Variants in IFNLR1 observed in about 807,000 individuals in gnomAD.
The protein encoded by IFNLR1 is interferon lambda receptor 1.
In IFNLR1, 28 loss-of-function variants were observed where a neutral mutation model predicts 52.5. The ratio of observed to expected loss-of-function variants is 0.53; its 90% CI spans 0.40 to 0.73. IFNLR1 has a LOEUF of 0.73. Among genes scored for constraint, IFNLR1 ranks in the 30% least tolerant of loss-of-function variants. IFNLR1 has a pLI of 0.00. For synonymous variants in IFNLR1, 276 were observed against 274.9 expected, an observed-to-expected ratio of 1.00 and a Z score of -0.04; for missense variants, 623 against 659.1, an observed-to-expected ratio of 0.95 and a Z score of 0.60.
chr1:24,169,156 T>A (rs1231957952), intron 3 of IFNLR1, among the ~76,000 whole-genome samples: 2 of 152,200 alleles, frequency 1.3e-5, no homozygotes, highest in East Asian at 3.9e-4. Context: ...CAACTGAAAA[T>A]AATGAACATT....
chr1:24,161,080 C>T (rs1164696489), intron 4 of IFNLR1, among the ~76,000 whole-genome samples: 6 of 152,148 alleles, frequency 3.9e-5, no homozygotes, highest in East Asian at 1.9e-4. Context: ...GTATAGGCTA[C>T]GGCTCCTTTT....
intron 3 of IFNLR1, among the ~76,000 whole-genome samples, chr1:24,166,330 C>A (rs1038603471): frequency 6.6e-6 from 1 of 152,048 alleles, no homozygotes; most frequent in African/African-American, 2.4e-5. Flanking sequence ...AGCCAGTGAG[C>A]CTTCTAACCT....
intron 3 of IFNLR1, among the ~76,000 whole-genome samples, chr1:24,166,203 A>ATCCATCCATCCATCCATCCT (rs1553162460): frequency 1.7e-5 from 1 of 59,648 alleles, no homozygotes; most frequent in African/African-American, 5.9e-5. Flanking sequence ...CCATCCATCC[A>ATCCATCCATCCATCCATCCT]TCCTTCCTTC....
At chr1:24,159,738 T>TTG in intron 4 of IFNLR1, 105 bp from the exon 5 acceptor site, 2 of 581,544 alleles carry the variant, frequency 3.4e-6, no homozygotes, top group Non-Finnish European at 2.5e-6. Flanking sequence ...TTTTTTTTTG[T>TTG]TTTTTTTTTT....
rs368136712 is a variant in IFNLR1, at chr1:24,180,802, G to A, written c.111C>T (p.Phe37=). The A allele has an allele frequency of 1.2e-6, 2 of 1,613,888 alleles. No homozygotes were observed. The highest frequency in any genetic ancestry group is 1.7e-5 in the Admixed American group (1 of 59,990). The part of the protein sequence containing the change: ...PQNVTLLSQN[F]SVYLTWLPGL... ...CTGGGAGCCATGTCAGGTACACGCT[G>A]AAGTTCTGGGAGAGCAGCGTCACAT... The change falls in exon 2 of 7, where the codon TTC becomes TTT. Residue 37 remains phenylalanine, a synonymous_variant. Coordinates refer to ENST00000327535, the MANE Select transcript of IFNLR1 (RefSeq NM_170743.4).
intron 2 of IFNLR1, among the ~76,000 whole-genome samples, chr1:24,174,541 G>A (rs2148598753): frequency 6.6e-6 from 1 of 152,342 alleles, no homozygotes; most frequent in East Asian, 1.9e-4. Context: ...TGTGTTATTG[G>A]AAACTGGAGG....
At chr1:24,166,207 T>TCCA (rs1557646026) in intron 3 of IFNLR1, among the ~76,000 whole-genome samples, 5 of 146,158 alleles carry the variant, frequency 3.4e-5, no homozygotes, top group African/African-American at 1.4e-4. Flanking sequence ...CCATCCATCC[T>TCCA]TCCTTCCTTC....
chr1:24,165,577 C>G lies in IFNLR1; in HGVS notation c.367+3840G>C. ...CTTGAAGATGGAGAGGGCAATGTGA[C>G]AAGGAATATGGCAGCCAGAGAAAAC... On this transcript the variant is annotated intron_variant, in intron 3 of 6. Coordinates refer to ENST00000327535, the MANE Select transcript of IFNLR1 (RefSeq NM_170743.4). Among the ~76,000 whole-genome samples, 2 of 152,184 alleles carry G rather than the reference C, an allele frequency of 1.3e-5. 1 individual carries two copies. Among genetic ancestry groups the G allele is most frequent in the East Asian group, 3.8e-4 (2 of 5,200 alleles).
At chr1:24,163,340 C>T (rs1297158881) in intron 3 of IFNLR1, among the ~76,000 whole-genome samples, 1 of 152,132 alleles carries the variant, frequency 6.6e-6, no homozygotes, top group East Asian at 1.9e-4. Context: ...AGGACTAAAT[C>T]ACCTTTTAAC....
At chr1:24,166,437 C>T (rs1644520788) in intron 3 of IFNLR1, among the ~76,000 whole-genome samples, 1 of 152,126 alleles carries the variant, frequency 6.6e-6, no homozygotes, top group African/African-American at 2.4e-5. Flanking sequence ...CCTTGCTTCT[C>T]CTTCGCTCCA....
intron 3 of IFNLR1, 120 bp from the exon 4 acceptor site, chr1:24,161,804 T>C: frequency 1.1e-6 from 1 of 951,950 alleles, no homozygotes; most frequent in South Asian, 1.8e-5. Flanking sequence ...ACACTTCTTG[T>C]GCACCTAGCA....
chr1:24,159,726 G>GTTTTGTTTTTTTTTGTTT lies in IFNLR1; in HGVS notation c.511-94_511-93insAAACAAAAAAAAACAAAA, dbSNP rs1553161946. 1.8e-4 allele frequency: 139 copies of GTTTTGTTTTTTTTTGTTT among 762,694 alleles called. No homozygotes were observed. The African/African-American group carries it at 2.2e-3, about 12-fold the overall frequency. The allele number at this position is 762,694 out of a possible 1,614,324, so 47.2% of individuals were successfully genotyped here. ...GTGGGGTTGGCAGACATGGTAGGGTGTTTTTTTTTTGTTTTTTTTTTTTGT... is the reference window on the plus strand; with the variant it reads ...GTGGGGTTGGCAGACATGGTAGGGTGTTTTGTTTTTTTTTGTTTTTTTTTTTTTGTTTTTTTTTTTTGT... On this transcript the variant is annotated intron_variant, in intron 4 of 6. Coordinates refer to ENST00000327535, the MANE Select transcript of IFNLR1 (RefSeq NM_170743.4).
chr1:24,161,422 G>C (rs1454939330), intron 4 of IFNLR1, 120 bp downstream of exon 4: 1 of 1,109,732 alleles, frequency 9.0e-7, no homozygotes, highest in Admixed American at 2.1e-5. Context: ...GAAGTCAGGA[G>C]TGTACAGGGA....
chr1:24,178,794 T>G (rs1346640985), intron 2 of IFNLR1, among the ~76,000 whole-genome samples: 1 of 152,226 alleles, frequency 6.6e-6, no homozygotes, highest in Non-Finnish European at 1.5e-5. Flanking sequence ...CTCTTGCCTA[T>G]TTGAATAGTA....
intron 3 of IFNLR1, among the ~76,000 whole-genome samples, chr1:24,167,327 G>A (rs773499605): frequency 1.3e-5 from 2 of 152,108 alleles, no homozygotes; most frequent in Non-Finnish European, 2.9e-5. Context: ...TGCATGCTGG[G>A]GGACATTTTT....
At chr1:24,182,415 C>G (rs1644700104) in intron 1 of IFNLR1, among the ~76,000 whole-genome samples, 2 of 152,134 alleles carry the variant, frequency 1.3e-5, no homozygotes, top group African/African-American at 4.8e-5. Flanking sequence ...CACCTATATT[C>G]ATTATTTATT....
In IFNLR1 at chr1:24,169,442, G is replaced by A. The variant is rs757282675; in HGVS notation, c.342C>T (p.Ser114=). Reference sequence around the variant, plus strand: ...CTTCAAAAAGGTAATCCAGGTATTCGGACTCCACCCAGGGGGACTTGGAGC... The same window carrying A: ...CTTCAAAAAGGTAATCCAGGTATTCAGACTCCACCCAGGGGGACTTGGAGC... The part of the protein sequence containing the change: ...SPSSKSPWVE[S]EYLDYLFEVE... Residue 114 remains serine (S), a synonymous_variant, in exon 3 of 7, where the codon TCC becomes TCT. Coordinates refer to ENST00000327535, the MANE Select transcript of IFNLR1 (RefSeq NM_170743.4). 91 of 1,613,990 alleles carry A rather than the reference G, an allele frequency of 5.6e-5. 1 individual carries two copies. Among genetic ancestry groups the A allele is most frequent in the Non-Finnish European group, 6.8e-5 (80 of 1,180,002 alleles).
intron 3 of IFNLR1, among the ~76,000 whole-genome samples, chr1:24,163,114 C>A (rs1206296149): frequency 6.6e-6 from 1 of 151,380 alleles, no homozygotes; most frequent in Non-Finnish European, 1.5e-5. Context: ...GCGCCCGCCA[C>A]CACTCCCGGA....
rs552712840 is a variant in IFNLR1, at chr1:24,155,711, G to C, written c.*1419C>G. 54 of 152,360 alleles carry C rather than the reference G, an allele frequency of 3.5e-4. No individual in the cohort carries two copies. The highest frequency in any genetic ancestry group is 1.2e-3 in the African/African-American group (51 of 41,586). The allele number at this position is 152,360 out of a possible 1,614,324, so 9.4% of individuals were successfully genotyped here. ...GGTGGCTTTAAAGCAACACAGCTCT[G>C]TGGGTTCAATGGCTTTGAAGATCCC... On this transcript the variant is annotated 3_prime_UTR_variant, in exon 7 of 7. Coordinates refer to ENST00000327535, the MANE Select transcript of IFNLR1 (RefSeq NM_170743.4).
Sources: allele counts gnomAD v4.1 joint callset (sites outside exome capture counted in the v4.1 genomes callset), GRCh38; gene constraint gnomAD v4.1.1; transcripts MANE v1.5; gene names NCBI Gene and HGNC (gene_info 2026-07-23, HGNC 2026-07-21).